RUNDC3B: variants seen among roughly 807,000 people sequenced by gnomAD.
The protein encoded by RUNDC3B is RUN domain containing 3B, also known as RUN domain-containing protein 3B.
In RUNDC3B, 33 loss-of-function variants were observed where a neutral mutation model predicts 58.4. The observed-to-expected ratio is 0.56, with a 90% CI of 0.43 to 0.75. The LOEUF is 0.75. Ranked by LOEUF, RUNDC3B falls within the 30% of genes least tolerant of loss-of-function variation. The pLI, the probability that RUNDC3B is intolerant of heterozygous loss-of-function variation, is 0.00. For synonymous variants in RUNDC3B, 193 were observed against 195.2 expected (o/e 0.99, Z 0.10); for missense variants, 501 against 535.7 (o/e 0.94, Z 0.64).
intron 10 of RUNDC3B, among the ~76,000 whole-genome samples, chr7:87,818,546 C>CATAT (rs1281137745): frequency 6.6e-6 from 1 of 152,136 alleles, no homozygotes; most frequent in Non-Finnish European, 1.5e-5. Flanking sequence ...TTTGAATCAG[C>CATAT]ATATCCTATA....
chr7:87,693,999 G>T, intron 2 of RUNDC3B: 1 of 1,606,416 alleles, frequency 6.2e-7, no homozygotes, highest in Non-Finnish European at 8.5e-7. Context: ...TGAGCTGCAC[G>T]GGAGCATGGA....
chr7:87,797,062 ATG>A (rs1835858733), intron 8 of RUNDC3B, among the ~76,000 whole-genome samples: 1 of 152,186 alleles, frequency 6.6e-6, no homozygotes, highest in African/African-American at 2.4e-5. Context: ...ATATTAGTTT[ATG>A]TTTGGGGGCA....
intron 2 of RUNDC3B, among the ~76,000 whole-genome samples, chr7:87,659,063 A>G (rs942512006): frequency 2.0e-5 from 3 of 152,066 alleles, no homozygotes; most frequent in African/African-American, 7.2e-5. Context: ...CTGAGGTGGG[A>G]GGATCACTTA....
chr7:87,741,616 A>G, intron 6 of RUNDC3B, 37 bp downstream of exon 6: 1 of 1,198,156 alleles, frequency 8.3e-7, no homozygotes, highest in Non-Finnish European at 1.2e-6. Context: ...TTAAAATCTT[A>G]TTTAAAATTG....
At chr7:87,786,861 G>A (rs1046569899) in intron 8 of RUNDC3B, among the ~76,000 whole-genome samples, 1 of 152,070 alleles carries the variant, frequency 6.6e-6, no homozygotes, top group Non-Finnish European at 1.5e-5. Context: ...GAGTGCCATT[G>A]ATCCTCTTGA....
intron 2 of RUNDC3B, among the ~76,000 whole-genome samples, chr7:87,661,517 G>A (rs1157034446): frequency 6.6e-6 from 1 of 151,564 alleles, no homozygotes; most frequent in Non-Finnish European, 1.5e-5. Flanking sequence ...GAAAATGAGC[G>A]AAGTTTGTCT....
At chr7:87,807,593 TC>T in intron 9 of RUNDC3B, 74 bp downstream of exon 9, 1 of 1,053,606 alleles carries the variant, frequency 9.5e-7, no homozygotes, top group South Asian at 1.3e-5. Flanking sequence ...TACTTTGGTT[TC>T]TCAGTTATTC....
chr7:87,684,066 A>G lies in RUNDC3B; in HGVS notation c.239-16355A>G, dbSNP rs539280706. 7.9e-5 allele frequency among the ~76,000 whole-genome samples: 12 copies of G among 152,342 alleles called. No homozygotes were observed. The South Asian group carries it at 2.1e-3, about 26-fold the overall frequency. ...TAGGATCCTACTAATAGGTGCATAG[A>G]AAAGCATTTGACAAAATTCAACTTT... On this transcript the variant is annotated intron_variant, in intron 2 of 10. Transcript: ENST00000394654.
At chr7:87,817,474 G>T (rs1343092920) in intron 10 of RUNDC3B, among the ~76,000 whole-genome samples, 1 of 152,152 alleles carries the variant, frequency 6.6e-6, no homozygotes, top group Admixed American at 6.5e-5. Context: ...GCCAGCATCT[G>T]CCTCATTTCA....
chr7:87,766,482 T>C (rs1210569614), intron 6 of RUNDC3B, among the ~76,000 whole-genome samples: 1 of 152,146 alleles, frequency 6.6e-6, no homozygotes, highest in Admixed American at 6.5e-5. Flanking sequence ...GGAAGGACTT[T>C]ATTTCTTCTT....
At chr7:87,643,109 G>T (rs1049765517) in intron 1 of RUNDC3B, among the ~76,000 whole-genome samples, 1 of 152,118 alleles carries the variant, frequency 6.6e-6, no homozygotes, top group Non-Finnish European at 1.5e-5. Context: ...ATAGAGATGG[G>T]CTCTTGCTTT....
chr7:87,640,943 C>T (rs1822388246), intron 1 of RUNDC3B, among the ~76,000 whole-genome samples: 1 of 152,098 alleles, frequency 6.6e-6, no homozygotes, highest in African/African-American at 2.4e-5. Flanking sequence ...CATTTCTTCT[C>T]ATCTCTTGAA....
intron 1 of RUNDC3B, among the ~76,000 whole-genome samples, chr7:87,648,424 C>T (rs1823244540): frequency 6.6e-6 from 1 of 151,402 alleles, no homozygotes; most frequent in African/African-American, 2.4e-5. Flanking sequence ...GTGACACTGA[C>T]AGAACACTTC....
intron 8 of RUNDC3B, among the ~76,000 whole-genome samples, chr7:87,802,113 C>G (rs529062782): frequency 3.3e-5 from 5 of 152,140 alleles, no homozygotes; most frequent in African/African-American, 1.2e-4. Context: ...ACTAATAGAC[C>G]GGCTGCAGTG....
At chr7:87,814,413 T>A (rs1225349666) in intron 9 of RUNDC3B, among the ~76,000 whole-genome samples, 1 of 152,210 alleles carries the variant, frequency 6.6e-6, no homozygotes, top group African/African-American at 2.4e-5. Flanking sequence ...GAATTATTTC[T>A]AATAAAATAG....
At chr7:87,829,277 G>A (rs1474173751) in intron 10 of RUNDC3B, among the ~76,000 whole-genome samples, 1 of 152,132 alleles carries the variant, frequency 6.6e-6, no homozygotes, top group East Asian at 1.9e-4. Flanking sequence ...TGTTTACCCT[G>A]TTGATAGTTT....
At chr7:87,770,214 C>T (rs954342153) in intron 6 of RUNDC3B, among the ~76,000 whole-genome samples, 1 of 152,114 alleles carries the variant, frequency 6.6e-6, no homozygotes. Flanking sequence ...CAGCAATCCA[C>T]CTCGGGCAGT....
intron 8 of RUNDC3B, among the ~76,000 whole-genome samples, chr7:87,801,744 G>A (rs945357235): frequency 5.3e-5 from 8 of 152,154 alleles, no homozygotes; most frequent in Non-Finnish European, 7.4e-5. Flanking sequence ...ACTCCTGGGC[G>A]AAAGAGCAAG....
At chr7:87,639,701 A>G (rs1377052541) in intron 1 of RUNDC3B, among the ~76,000 whole-genome samples, 1 of 152,124 alleles carries the variant, frequency 6.6e-6, no homozygotes, top group Admixed American at 6.5e-5. Context: ...TAATACAGTT[A>G]TAATAGCTTT....
Sources: allele counts gnomAD v4.1 joint callset (sites outside exome capture counted in the v4.1 genomes callset), GRCh38; gene constraint gnomAD v4.1.1; transcripts MANE v1.5; gene names NCBI Gene and HGNC (gene_info 2026-07-23, HGNC 2026-07-21).